The following SKAP2 variants were observed in gnomAD, a reference collection of about 807,000 sequenced individuals.
SKAP2 encodes src kinase associated phosphoprotein 2.
A neutral mutation model predicts 54.9 loss-of-function variants in SKAP2; 28 were observed. The ratio of observed to expected loss-of-function variants is 0.51; its 90% CI spans 0.38 to 0.70. The LOEUF is 0.70. SKAP2 is among the 30% of genes least tolerant of loss of function. SKAP2 has a pLI of 0.00. For synonymous variants in SKAP2, 137 were observed against 134.3 expected (o/e 1.02, Z -0.14); for missense variants, 356 against 424.1 (o/e 0.84, Z 1.41).
At chr7:26,814,719 A>C (rs1458598744) in intron 4 of SKAP2, among the ~76,000 whole-genome samples, 2 of 152,122 alleles carry the variant, frequency 1.3e-5, no homozygotes, top group African/African-American at 4.8e-5. Flanking sequence ...GGGCCTTGTA[A>C]AAGATGTTTA....
At chr7:26,821,704 A>G (rs1324247977) in intron 4 of SKAP2, among the ~76,000 whole-genome samples, 3 of 152,106 alleles carry the variant, frequency 2.0e-5, no homozygotes, top group African/African-American at 7.2e-5. Flanking sequence ...TTTATAGATA[A>G]TATCACCTCC....
intron 4 of SKAP2, among the ~76,000 whole-genome samples, chr7:26,743,360 T>C (rs929324150): frequency 2.6e-5 from 4 of 152,214 alleles, no homozygotes; most frequent in Admixed American, 2.6e-4. Context: ...CGTAAGACTA[T>C]GTTGCTCAGA....
intron 4 of SKAP2, among the ~76,000 whole-genome samples, chr7:26,789,996 CAG>C (rs557303310): frequency 3.3e-5 from 5 of 152,158 alleles, no homozygotes; most frequent in Admixed American, 1.3e-4. Flanking sequence ...TTACCAGTGT[CAG>C]AGCAGAAAGC....
At chr7:26,855,010 T>C (rs1202090507) in intron 1 of SKAP2, 120 bp from the exon 2 acceptor site, 24 of 647,612 alleles carry the variant, frequency 3.7e-5, no homozygotes, top group Non-Finnish European at 5.0e-5. Context: ...TTTGTTATAG[T>C]TATTTATCAT....
At chr7:26,695,349 T>C (rs977190462) in intron 9 of SKAP2, among the ~76,000 whole-genome samples, 2 of 152,214 alleles carry the variant, frequency 1.3e-5, no homozygotes, top group Admixed American at 6.5e-5. Flanking sequence ...ATGTTCACAT[T>C]ATATGCATTT....
chr7:26,753,092 A>G (rs897465438), intron 4 of SKAP2, among the ~76,000 whole-genome samples: 1 of 152,192 alleles, frequency 6.6e-6, no homozygotes, highest in Non-Finnish European at 1.5e-5. Context: ...TCTTCTTACT[A>G]TGGAAATAAA....
At chr7:26,804,539 G>C (rs895370951) in intron 4 of SKAP2, among the ~76,000 whole-genome samples, 1 of 152,094 alleles carries the variant, frequency 6.6e-6, no homozygotes, top group African/African-American at 2.4e-5. Context: ...AGGAGATTGA[G>C]ACCATCCTGG....
At chr7:26,696,377 C>G (rs1786895878) in intron 9 of SKAP2, among the ~76,000 whole-genome samples, 1 of 152,138 alleles carries the variant, frequency 6.6e-6, no homozygotes, top group East Asian at 1.9e-4. Context: ...TGTTACAGCT[C>G]TGTTACTCAC....
chr7:26,689,420 T>C (rs1056599905), intron 10 of SKAP2, among the ~76,000 whole-genome samples: 4 of 152,222 alleles, frequency 2.6e-5, no homozygotes, highest in African/African-American at 9.6e-5. Context: ...ATGGTTTATC[T>C]CCTGCTATTT....
intron 5 of SKAP2, 129 bp from the exon 6 acceptor site, chr7:26,739,007 C>CA (rs1252054816): frequency 9.2e-6 from 6 of 650,506 alleles, no homozygotes; most frequent in African/African-American, 3.7e-5. Flanking sequence ...TTCCAAGAGA[C>CA]AAAAAACCAA....
chr7:26,659,483 A>C, the SKAP2 span, among the ~76,000 whole-genome samples: 1 of 152,198 alleles, frequency 6.6e-6, no homozygotes, highest in East Asian at 1.9e-4. Context: ...CCTTTTATCA[A>C]GTGAAGAAAA....
intron 11 of SKAP2, among the ~76,000 whole-genome samples, chr7:26,683,434 T>C (rs1454891294): frequency 6.6e-6 from 1 of 152,084 alleles, no homozygotes; most frequent in African/African-American, 2.4e-5. Flanking sequence ...AGCCTTAGCT[T>C]TGGGCACCCT....
chr7:26,831,507 C>CA (rs1357105562), intron 4 of SKAP2, among the ~76,000 whole-genome samples: 1 of 151,848 alleles, frequency 6.6e-6, no homozygotes, highest in East Asian at 1.9e-4. Flanking sequence ...GTGTCTAACA[C>CA]AAAAAGGAAA....
chr7:26,842,365 ATAAAT>A (rs1784834014), intron 4 of SKAP2, among the ~76,000 whole-genome samples: 1 of 151,648 alleles, frequency 6.6e-6, no homozygotes, highest in Non-Finnish European at 1.5e-5. Context: ...AAAATATATG[ATAAAT>A]TATTTACTAT....
At chr7:26,842,661 A>G (rs1784840968) in intron 4 of SKAP2, among the ~76,000 whole-genome samples, 1 of 146,420 alleles carries the variant, frequency 6.8e-6, no homozygotes, top group African/African-American at 2.4e-5. Flanking sequence ...ATTCATATAT[A>G]CCAACATTTT....
chr7:26,863,446 G>A (rs1785308408), intron 1 of SKAP2, among the ~76,000 whole-genome samples: 3 of 152,110 alleles, frequency 2.0e-5, no homozygotes, highest in Admixed American at 1.3e-4. Context: ...ATAAATGATG[G>A]TTGAAATTCC....
intron 4 of SKAP2, among the ~76,000 whole-genome samples, chr7:26,761,091 C>T (rs3801860): frequency 0.43 from 65,305 of 151,912 alleles, 14,511 homozygotes; most frequent in Middle Eastern, 0.49. Context: ...AGGGAAAACG[C>T]AACTGGTCTT....
chr7:26,827,529 G>A (rs796470202), intron 4 of SKAP2, among the ~76,000 whole-genome samples: 22 of 152,060 alleles, frequency 1.4e-4, no homozygotes, highest in African/African-American at 4.8e-4. Flanking sequence ...TACGACTATG[G>A]CTATGGAGGA....
chr7:26,665,423 T>C (rs750935826), downstream of SKAP2, among the ~76,000 whole-genome samples: 25 of 152,198 alleles, frequency 1.6e-4, no homozygotes, highest in Non-Finnish European at 3.4e-4. Flanking sequence ...TGGGATATAC[T>C]AACTGTATAA....
Sources: allele counts gnomAD v4.1 joint callset (sites outside exome capture counted in the v4.1 genomes callset), GRCh38; gene constraint gnomAD v4.1.1; transcripts MANE v1.5; gene names NCBI Gene and HGNC (gene_info 2026-07-23, HGNC 2026-07-21).